The following CFAP299 variants were observed in gnomAD, a reference collection of about 807,000 sequenced individuals.
CFAP299 encodes the protein cilia and flagella associated protein 299.
CFAP299 carries 21 observed loss-of-function variants against 27.0 expected under a neutral mutation model. The ratio of observed to expected loss-of-function variants is 0.78; its 90% CI spans 0.55 to 1.12. The LOEUF (loss-of-function observed/expected upper bound fraction) is 1.12, where lower values mean the gene tolerates loss of function less well. Among genes scored for constraint, CFAP299 ranks in the 50% most tolerant of loss-of-function variants. The pLI is 0.00. For synonymous variants in CFAP299, 104 were observed against 98.1 expected (o/e 1.06, Z -0.36); for missense variants, 310 against 276.6 (o/e 1.12, Z -0.86).
intron 4 of CFAP299, among the ~76,000 whole-genome samples, chr4:80,899,680 G>A (rs1330529370): frequency 6.6e-6 from 1 of 152,170 alleles, no homozygotes; most frequent in East Asian, 1.9e-4. Context: ...TCTGACAAGA[G>A]CAGCCACAGA....
At chr4:80,540,798 C>A (rs1175175337) in intron 2 of CFAP299, among the ~76,000 whole-genome samples, 1 of 152,124 alleles carries the variant, frequency 6.6e-6, no homozygotes, top group Non-Finnish European at 1.5e-5. Flanking sequence ...TAATGAAGAA[C>A]TCTTAGTATG....
intron 4 of CFAP299, among the ~76,000 whole-genome samples, chr4:80,941,149 T>C (rs1737173141): frequency 6.6e-6 from 1 of 152,210 alleles, no homozygotes; most frequent in African/African-American, 2.4e-5. Context: ...GTTGTATAAA[T>C]AGTTGTTACA....
chr4:80,392,416 G>T (rs1162439669), intron 2 of CFAP299, among the ~76,000 whole-genome samples: 1 of 152,182 alleles, frequency 6.6e-6, no homozygotes, highest in Non-Finnish European at 1.5e-5. Context: ...ATCTTGAATT[G>T]TAATTTGAAT....
chr4:80,508,410 G>A (rs966690394), intron 2 of CFAP299, among the ~76,000 whole-genome samples: 2 of 152,088 alleles, frequency 1.3e-5, no homozygotes, highest in African/African-American at 4.8e-5. Flanking sequence ...TTGTGTTTTG[G>A]TATGTTTTCT....
chr4:80,935,502 G>A (rs935793333), intron 4 of CFAP299, among the ~76,000 whole-genome samples: 13 of 144,610 alleles, frequency 9.0e-5, no homozygotes, highest in Non-Finnish European at 2.0e-4. Context: ...ATGATGCTGG[G>A]ATAACTGGTT....
rs191519962 is a variant in CFAP299 at position 80,925,955 on chromosome 4, A to G, written c.477-18855A>G. ...ATGTGAATCAGTTATTACAGAACAGAACTTTAGTTTCTACAGTAGATTATC... is the reference window on the plus strand; with the variant it reads ...ATGTGAATCAGTTATTACAGAACAGGACTTTAGTTTCTACAGTAGATTATC... On this transcript the variant is annotated intron_variant, in intron 4 of 5. Transcript: ENST00000358105. 1.2e-4 allele frequency among the ~76,000 whole-genome samples: 19 copies of G among 152,206 alleles called. No individual in the cohort carries two copies. In the East Asian group the frequency reaches 3.7e-3, roughly 29 times the overall value.
intron 2 of CFAP299, among the ~76,000 whole-genome samples, chr4:80,575,206 A>G (rs1381845695): frequency 6.6e-6 from 1 of 152,092 alleles, no homozygotes; most frequent in African/African-American, 2.4e-5. Context: ...ATACATATCT[A>G]TACATTTATT....
chr4:80,369,991 G>T (rs966999033), intron 2 of CFAP299, among the ~76,000 whole-genome samples: 1 of 152,166 alleles, frequency 6.6e-6, no homozygotes, highest in Non-Finnish European at 1.5e-5. Context: ...CTGAGACTGG[G>T]TAGTTTATAA....
At chr4:80,476,955 GCA>G (rs1491126315) in intron 2 of CFAP299, among the ~76,000 whole-genome samples, 1 of 135,116 alleles carries the variant, frequency 7.4e-6, no homozygotes, top group Non-Finnish European at 1.6e-5. Flanking sequence ...GTGTGTGTGC[GCA>G]TGCGTGTGTG....
At chr4:80,550,636 T>C (rs1288151552) in intron 2 of CFAP299, among the ~76,000 whole-genome samples, 1 of 152,072 alleles carries the variant, frequency 6.6e-6, no homozygotes, top group Non-Finnish European at 1.5e-5. Context: ...TTCTTCTTCA[T>C]TCCCCACCAT....
At chr4:80,871,308 G>T (rs1181470961) in intron 4 of CFAP299, 4 of 985,190 alleles carry the variant, frequency 4.1e-6, no homozygotes, top group Non-Finnish European at 4.8e-6. Context: ...ATGTCTTTTT[G>T]ATTTTTGGTT....
intron 3 of CFAP299, among the ~76,000 whole-genome samples, chr4:80,586,696 A>G (rs898328559): frequency 1.3e-5 from 2 of 151,944 alleles, no homozygotes; most frequent in Non-Finnish European, 2.9e-5. Context: ...ATTATTTTTC[A>G]AATGGTAGTA....
intron 3 of CFAP299, among the ~76,000 whole-genome samples, chr4:80,825,626 A>G (rs1729942803): frequency 6.6e-6 from 1 of 152,022 alleles, no homozygotes; most frequent in Non-Finnish European, 1.5e-5. Flanking sequence ...AAAGTCAACC[A>G]AGAATCCTAT....
chr4:80,830,762 G>T (rs1730257548), intron 3 of CFAP299, among the ~76,000 whole-genome samples: 1 of 152,034 alleles, frequency 6.6e-6, no homozygotes, highest in Non-Finnish European at 1.5e-5. Flanking sequence ...TATTGGCTAG[G>T]TCAGTGGCAA....
intron 2 of CFAP299, among the ~76,000 whole-genome samples, chr4:80,376,722 T>C (rs1578371629): frequency 6.6e-6 from 1 of 152,336 alleles, no homozygotes; most frequent in East Asian, 1.9e-4. Context: ...TGGCATGATT[T>C]TGGCTCACTG....
At chr4:80,738,008 T>A (rs1342298945) in intron 3 of CFAP299, among the ~76,000 whole-genome samples, 2 of 152,140 alleles carry the variant, frequency 1.3e-5, no homozygotes, top group Admixed American at 1.3e-4. Context: ...AGGAGCGTAT[T>A]GTTTAATTCT....
At chr4:80,772,596 G>A (rs1208454007) in intron 3 of CFAP299, among the ~76,000 whole-genome samples, 2 of 151,850 alleles carry the variant, frequency 1.3e-5, no homozygotes, top group Admixed American at 6.6e-5. Context: ...TGCATCATGT[G>A]CAGATTTGTT....
chr4:80,374,088 T>G (rs1412089075), intron 2 of CFAP299, among the ~76,000 whole-genome samples: 1 of 152,150 alleles, frequency 6.6e-6, no homozygotes, highest in Non-Finnish European at 1.5e-5. Flanking sequence ...GTTCCAGGTT[T>G]CTTGGAGTCA....
At chr4:80,562,309 A>G (rs1273294028) in intron 2 of CFAP299, among the ~76,000 whole-genome samples, 1 of 152,060 alleles carries the variant, frequency 6.6e-6, no homozygotes, top group East Asian at 1.9e-4. Context: ...ATCAATAATA[A>G]CATTGAGGCT....
Sources: gnomAD v4.1 joint callset for allele counts (sites outside exome capture counted in the v4.1 genomes callset) on GRCh38, gnomAD v4.1.1 for gene constraint, MANE v1.5 for transcripts, NCBI Gene and HGNC (gene_info 2026-07-23, HGNC 2026-07-21) for gene names.